CANX: variants seen among roughly 807,000 people sequenced by gnomAD.
CANX encodes the protein calnexin, also known as epididymis secretory sperm binding protein.
A neutral mutation model predicts 75.7 loss-of-function variants in CANX; 14 were observed. The ratio of observed to expected loss-of-function variants is 0.19; its 90% confidence interval spans 0.12 to 0.29. The LOEUF is 0.29. Among genes scored for constraint, CANX ranks in the 10% least tolerant of loss-of-function variants. The probability of loss-of-function intolerance (pLI) is 1.00; values close to 1 mark genes in which losing one functional copy is unlikely to be tolerated. For missense variants in CANX, 567 were observed against 713.2 expected, an observed-to-expected ratio of 0.79 and a Z score of 2.34; for synonymous variants, 227 against 236.9, an observed-to-expected ratio of 0.96 and a Z score of 0.38.
At chr5:179,701,326 C>T (rs1450852908) in intron 1 of CANX, among the ~76,000 whole-genome samples, 1 of 151,974 alleles carries the variant, frequency 6.6e-6, no homozygotes, top group Non-Finnish European at 1.5e-5. Context: ...GGCACGGTGG[C>T]TCTCACGCCT....
Position 179,680,963 on chromosome 5 carries a change from C to T in CANX, c.-4+2186C>T, listed in dbSNP as rs758484941. 4.3e-5 allele frequency: 64 copies of T among 1,495,546 alleles called. 1 individual carries two copies. The Middle Eastern group carries it at 1.3e-3, about 29-fold the overall frequency. 92.6% of individuals were successfully genotyped at this position (1,495,546 alleles called of 1,614,324 possible). On this transcript the variant is annotated intron_variant, in intron 1 of 14. Coordinates refer to the CANX transcript ENST00000681674. The stretch of plus-strand genomic sequence containing the variant: ...TGTATCTTCTCGGAGGATGTTTCCC[C>T]GTTAGTCCTCACTGTATGTTGTGCC...
At chr5:179,693,530 C>T (rs183538521), upstream of CANX, among the ~76,000 whole-genome samples, 15 of 152,070 alleles carry the variant, frequency 9.9e-5, no homozygotes, top group Non-Finnish European at 2.2e-4. Context: ...AGAAATTAGC[C>T]GGGTGAGGTG....
At position 179,680,991 on chromosome 5, in the gene CANX, A is replaced by T. The variant is rs1776049237; in HGVS notation, c.-4+2214A>T. 2.2e-6 allele frequency: 3 copies of T among 1,353,634 alleles called. No individual in the cohort carries two copies. The East Asian group carries it at 7.6e-5, about 34-fold the overall frequency. The allele number at this position is 1,353,634 out of a possible 1,614,324, so 83.9% of individuals were successfully genotyped here. On this transcript the variant is annotated intron_variant, in intron 1 of 14. Coordinates refer to the CANX transcript ENST00000681674. ...TAGTCCTCACTGTATGTTGTGCCTC[A>T]CCTGGAAGATGGGGTGGAGTTGCTG...
At position 179,679,304 on chromosome 5, in the gene CANX, C is replaced by T. The variant is rs1037460299; in HGVS notation, c.-4+527C>T. On this transcript the variant is annotated intron_variant, in intron 1 of 14. Coordinates refer to the CANX transcript ENST00000681674. ...GTCCGGGTGAGCAGCGTGCTTGGTA[C>T]AGGCCGCCTCTCAAACCGCGAGGCC... 19 of 1,449,432 alleles carry T rather than the reference C, an allele frequency of 1.3e-5. No homozygotes were observed. The East Asian group carries it at 3.7e-4, about 29-fold the overall frequency. The allele number at this position is 1,449,432 out of a possible 1,614,324, so 89.8% of individuals were successfully genotyped here. A position where few individuals can be genotyped will look rare whatever the true frequency, so the allele number is the denominator to read the frequency against.
At chr5:179,695,868 G>C (rs796841991), upstream of CANX, among the ~76,000 whole-genome samples, 9 of 148,840 alleles carry the variant, frequency 6.0e-5, no homozygotes, top group African/African-American at 2.2e-4. Context: ...TCGATCTCCT[G>C]ACCTCATGAT....
In CANX at chr5:179,710,707, C is replaced by CAAAA. The variant is rs71591440; in HGVS notation, c.721+655_721+658dup. Reference sequence around the variant, plus strand: ...TAGGAGACAGAGCAAGACTCCATCTCAAAAAAAAAAAAAAAAGATTGTATA... The same window carrying CAAAA: ...TAGGAGACAGAGCAAGACTCCATCTCAAAAAAAAAAAAAAAAAAAAGATTGTATA... On this transcript the variant is annotated intron_variant, in intron 7 of 14. Transcript: ENST00000247461. 2.0e-3 allele frequency among the ~76,000 whole-genome samples: 54 copies of CAAAA among 27,372 alleles called. 10 individuals are homozygous for CAAAA. Among genetic ancestry groups the CAAAA allele is most frequent in the East Asian group, 6.6e-3 (5 of 754 alleles). The allele number at this position is 27,372 out of a possible 152,430, so 18.0% of individuals were successfully genotyped here.
At chr5:179,698,938 C>T (rs961908722), upstream of CANX, 17 of 1,131,184 alleles carry the variant, frequency 1.5e-5, no homozygotes, top group Admixed American at 9.5e-5. Context: ...CAGGGCCGGG[C>T]TTCGTGCGGT....
intron 1 of CANX, among the ~76,000 whole-genome samples, chr5:179,688,572 C>T (rs1384052043): frequency 6.6e-6 from 1 of 150,898 alleles, no homozygotes; most frequent in African/African-American, 2.4e-5. Context: ...ACCGTGTTAG[C>T]CAGGATGGTC....
chr5:179,688,441 G>A (rs1776232127), intron 1 of CANX, among the ~76,000 whole-genome samples: 1 of 143,502 alleles, frequency 7.0e-6, no homozygotes, highest in Admixed American at 7.4e-5. Flanking sequence ...TCGGTTCACT[G>A]CAAGCTCTGC....
intron 1 of CANX, chr5:179,681,051 C>A: frequency 1.3e-6 from 1 of 754,630 alleles, no homozygotes; most frequent in Non-Finnish European, 2.2e-6. Flanking sequence ...ATCTCTGACC[C>A]ACTCAGCTCT....
chr5:179,694,330 G>C, upstream of CANX: 1 of 555,088 alleles, frequency 1.8e-6, no homozygotes, highest in South Asian at 2.7e-5. Context: ...TGCTCTGAAA[G>C]GTGGAAGACA....
upstream of CANX, chr5:179,698,689 C>T (rs1296142490): frequency 5.1e-6 from 5 of 978,610 alleles, no homozygotes; most frequent in African/African-American, 8.4e-5. Flanking sequence ...AGCCCCGCCC[C>T]GAGACGCGCG....
At chr5:179,715,329 T>A (rs930955430) in intron 7 of CANX, among the ~76,000 whole-genome samples, 1 of 152,146 alleles carries the variant, frequency 6.6e-6, no homozygotes, top group African/African-American at 2.4e-5. Context: ...GCTCAGGAGT[T>A]TGAGACCAGC....
chr5:179,708,224 T>G lies in CANX; in HGVS notation c.305-15T>G, dbSNP rs1375112704. 1 of 1,612,450 alleles carries G rather than the reference T, an allele frequency of 6.2e-7. No homozygotes were observed. The highest frequency in any genetic ancestry group is 1.1e-5 in the South Asian group (1 of 91,042). ...GTAGAGTTAAGCAGTGGAACTTTTT[T>G]GTGTTGTCTTGTAGGAAAGTGGGAG... is the stretch of plus-strand genomic sequence containing the variant. On this transcript the variant is annotated splice_polypyrimidine_tract_variant and intron_variant, in intron 4 of 14. Coordinates refer to ENST00000247461, the MANE Select transcript of CANX (RefSeq NM_001746.4).
intron 7 of CANX, among the ~76,000 whole-genome samples, chr5:179,714,319 A>G (rs1777776808): frequency 6.6e-6 from 1 of 152,120 alleles, no homozygotes; most frequent in Non-Finnish European, 1.5e-5. Flanking sequence ...TGATTTGGTC[A>G]TTACACATTA....
chr5:179,689,906 G>A (rs1354187445), intron 1 of CANX, among the ~76,000 whole-genome samples: 1 of 152,158 alleles, frequency 6.6e-6, no homozygotes, highest in African/African-American at 2.4e-5. Context: ...GTTCCTTTGA[G>A]GATCCCCATC....
Position 179,710,044 on chromosome 5 carries a change from A to G in CANX, c.700A>G (p.Lys234Glu). ...TCTGAAGACCTATTTTACTGATAAG[A>G]AAACACATCTTTACACACTAAGTAA... is the stretch of plus-strand genomic sequence containing the variant. ...ADLKTYFTDK[K>E]THLYTLILNP... Residue 234 changes from lysine (K) to glutamate (E), a missense_variant, in exon 7 of 15, where the codon AAA becomes GAA. By Grantham distance (56) the Lys-to-Glu change is moderately conservative. Coordinates refer to ENST00000247461, the MANE Select transcript of CANX (RefSeq NM_001746.4). 6.2e-7 allele frequency: 1 copy of G among 1,601,688 alleles called. No individual in the cohort carries two copies. The highest frequency in any genetic ancestry group is 8.5e-7 in the Non-Finnish European group (1 of 1,171,094).
rs759029162 is a variant in CANX at position 179,722,790 on chromosome 5, A to T, written c.1183-14A>T. ...ATTATCTGAAATGATTTTCTGAAACATTTTTTTTTCTAGGGAATCTGGAAA... is the reference window on the plus strand; with the variant it reads ...ATTATCTGAAATGATTTTCTGAAACTTTTTTTTTTCTAGGGAATCTGGAAA... On this transcript the variant is annotated splice_polypyrimidine_tract_variant and intron_variant, in intron 10 of 14. Coordinates refer to ENST00000247461, the MANE Select transcript of CANX (RefSeq NM_001746.4). 17 of 1,537,584 alleles carry T rather than the reference A, an allele frequency of 1.1e-5. No individual in the cohort carries two copies. The highest frequency in any genetic ancestry group is 2.3e-5 in the South Asian group (2 of 87,112).
At chr5:179,686,678 C>G (rs1229557258) in intron 1 of CANX, among the ~76,000 whole-genome samples, 2 of 151,950 alleles carry the variant, frequency 1.3e-5, no homozygotes, top group African/African-American at 2.4e-5. Flanking sequence ...TGCAAAACTC[C>G]TGGGCTTGAA....
Sources: allele counts gnomAD v4.1 joint callset (sites outside exome capture counted in the v4.1 genomes callset), GRCh38; gene constraint gnomAD v4.1.1; transcripts MANE v1.5; gene names NCBI Gene and HGNC (gene_info 2026-07-23, HGNC 2026-07-21).